The following SLC29A3 variants were observed in gnomAD, a reference collection of about 807,000 sequenced individuals.
SLC29A3 encodes the protein solute carrier family 29 member 3.
A neutral mutation model predicts 25.4 loss-of-function variants in SLC29A3; 18 were observed. That is an observed-to-expected ratio of 0.71 (90% CI 0.49 to 1.05). The LOEUF (loss-of-function observed/expected upper bound fraction) is 1.05, where lower values mean the gene tolerates loss of function less well. Ranked by LOEUF, SLC29A3 falls within the 50% of genes least tolerant of loss-of-function variation. The probability of loss-of-function intolerance (pLI) is 0.00; values close to 1 mark genes in which losing one functional copy is unlikely to be tolerated. For missense variants in SLC29A3, 586 were observed against 609.0 expected, an observed-to-expected ratio of 0.96 and a Z score of 0.40; for synonymous variants, 258 against 267.1, an observed-to-expected ratio of 0.97 and a Z score of 0.33.
Position 71,342,933 on chromosome 10 carries a change from A to G in SLC29A3, c.301-1276A>G, listed in dbSNP as rs74972008. Among the ~76,000 whole-genome samples the G allele has an allele frequency of 8.5e-3, 1,294 of 152,304 alleles. 46 individuals carry two copies. The highest frequency in any genetic ancestry group is 0.073 in the East Asian group (381 of 5,186). On this transcript the variant is annotated intron_variant, in intron 2 of 5. Transcript: ENST00000373189. ...AAGCACTCTGCAGGCTTCAAAGGGA[A>G]CTATGGAAGGCTTGTGCTTCAGACT...
At position 71,351,575 on chromosome 10, in the gene SLC29A3, A is replaced by G. The variant is rs2131838911; in HGVS notation, c.397A>G (p.Ile133Val). The G allele has an allele frequency of 6.2e-7, 1 of 1,614,176 alleles. No homozygotes were observed. The highest frequency in any genetic ancestry group is 8.5e-7 in the Non-Finnish European group (1 of 1,180,008). ...FLLVNRVAVH[I>V]RVLASLTVIL... Reference sequence around the variant, plus strand: ...TCCTCGCCCCAGGGTTGCAGTCCACATCCGTGTCCTGGCCTCACTGACGGT... The same window carrying G: ...TCCTCGCCCCAGGGTTGCAGTCCACGTCCGTGTCCTGGCCTCACTGACGGT... The change falls in exon 4 of 6, where the codon ATC (isoleucine) becomes GTC (valine). Residue 133 changes from isoleucine to valine, a missense_variant. Coordinates refer to ENST00000373189, the MANE Select transcript of SLC29A3 (RefSeq NM_018344.6).
At chr10:71,360,915 A>G (rs573362387) in intron 5 of SLC29A3, among the ~76,000 whole-genome samples, 90 of 152,326 alleles carry the variant, frequency 5.9e-4, no homozygotes, top group Non-Finnish European at 1.1e-3. Context: ...TCTTTATGCA[A>G]TTTTATGTAT....
chr10:71,320,961 C>T (rs1359403232), intron 1 of SLC29A3, among the ~76,000 whole-genome samples: 1 of 152,030 alleles, frequency 6.6e-6, no homozygotes, highest in East Asian at 1.9e-4. Context: ...GGCTGTGTAA[C>T]TTCACTCTTG....
intron 2 of SLC29A3, among the ~76,000 whole-genome samples, chr10:71,327,525 GATCTTAGTAACC>G (rs1846000068): frequency 6.6e-6 from 1 of 152,210 alleles, no homozygotes; most frequent in Non-Finnish European, 1.5e-5. Flanking sequence ...CTGCAATGCA[GATCTTAGTAACC>G]ATTTTCTTAA....
At chr10:71,361,581 G>A (rs749281547) in intron 5 of SLC29A3, among the ~76,000 whole-genome samples, 6 of 152,176 alleles carry the variant, frequency 3.9e-5, no homozygotes, top group Non-Finnish European at 7.4e-5. Context: ...GTTGTATCAA[G>A]CTTGCATTCC....
chr10:71,351,929 GAAC>G, intron 4 of SLC29A3, 141 bp downstream of exon 4: 1 of 805,764 alleles, frequency 1.2e-6, no homozygotes, highest in Non-Finnish European at 2.1e-6. Flanking sequence ...TAGTGTTGTA[GAAC>G]AACAACGGTC....
Position 71,363,123 on chromosome 10 carries a change from G to C in SLC29A3, c.*515G>C, listed in dbSNP as rs977392273. ...AAGACTCAAGTGTGCACAGACCCCTGTGTTCTGTGGGTGAACAACTGCCCA... is the reference window on the plus strand; with the variant it reads ...AAGACTCAAGTGTGCACAGACCCCTCTGTTCTGTGGGTGAACAACTGCCCA... On this transcript the variant is annotated 3_prime_UTR_variant, in exon 6 of 6. Coordinates refer to ENST00000373189, the MANE Select transcript of SLC29A3 (RefSeq NM_018344.6). 3 of 440,280 alleles carry C rather than the reference G, an allele frequency of 6.8e-6. No individual in the cohort carries two copies. The highest frequency in any genetic ancestry group is 6.1e-5 in the African/African-American group (3 of 49,572). The allele number at this position is 440,280 out of a possible 1,614,324, so 27.3% of individuals were successfully genotyped here.
At chr10:71,371,485 A>G (rs1038984426) in intron 3 of SLC29A3, among the ~76,000 whole-genome samples, 2 of 152,184 alleles carry the variant, frequency 1.3e-5, no homozygotes, top group Non-Finnish European at 2.9e-5. Flanking sequence ...GAGAGGGGCT[A>G]TAGCTTACAT....
chr10:71,334,366 G>T (rs1846191240), intron 2 of SLC29A3, among the ~76,000 whole-genome samples: 1 of 152,204 alleles, frequency 6.6e-6, no homozygotes, highest in African/African-American at 2.4e-5. Context: ...ATTTGGCCCG[G>T]GGGTAACCCG....
chr10:71,361,464 G>C (rs1277168803), intron 5 of SLC29A3, among the ~76,000 whole-genome samples: 5 of 152,210 alleles, frequency 3.3e-5, no homozygotes. Context: ...GCCCGGCCTA[G>C]AATGTTAACA....
downstream of SLC29A3, chr10:71,364,244 T>G (rs1002233557): frequency 6.6e-6 from 1 of 152,158 alleles, no homozygotes; most frequent in East Asian, 1.9e-4. Context: ...ACAGGTTTCT[T>G]TTTTGTGAAC....
chr10:71,367,563 G>A (rs973522268), downstream of SLC29A3, among the ~76,000 whole-genome samples: 2 of 152,158 alleles, frequency 1.3e-5, no homozygotes, highest in African/African-American at 2.4e-5. Flanking sequence ...AGGCAACTCA[G>A]GGCACAGTGC....
chr10:71,359,063 C>T (rs1030355434), intron 5 of SLC29A3, among the ~76,000 whole-genome samples: 1 of 152,168 alleles, frequency 6.6e-6, no homozygotes, highest in East Asian at 1.9e-4. Context: ...CATGGGCTGC[C>T]ACGCCCAGCT....
At chr10:71,327,229 G>A (rs74147847) in intron 2 of SLC29A3, among the ~76,000 whole-genome samples, 11,883 of 152,252 alleles carry the variant, frequency 0.078, 647 homozygotes, top group African/African-American at 0.15. Context: ...CCCAAATTAT[G>A]TCACTTTCAA....
In SLC29A3 at chr10:71,351,686, G is replaced by C. The variant is rs767315806; in HGVS notation, c.508G>C (p.Val170Leu). ...WTRGFFAVTI[V>L]CMVILSGAST... ...CCGTGGCTTTTTTGCGGTCACCATT[G>C]TCTGCATGGTGATCCTCAGCGGTGC... Residue 170 changes from valine to leucine, a missense_variant, in exon 4 of 6, where the codon GTC (valine) becomes CTC (leucine). Coordinates refer to ENST00000373189, the MANE Select transcript of SLC29A3 (RefSeq NM_018344.6). The C allele has an allele frequency of 2.5e-6, 4 of 1,614,064 alleles. No homozygotes were observed. Among genetic ancestry groups the C allele is most frequent in the Admixed American group, 1.7e-5 (1 of 60,018 alleles).
chr10:71,356,060 C>G, intron 4 of SLC29A3, 21 bp from the exon 5 acceptor site: 2 of 1,613,150 alleles, frequency 1.2e-6, no homozygotes, highest in Non-Finnish European at 8.5e-7. Context: ...ACCATCTCTG[C>G]GTGTCCTCTG....
intron 2 of SLC29A3, among the ~76,000 whole-genome samples, chr10:71,337,389 C>T (rs544237592): frequency 2.0e-5 from 3 of 152,368 alleles, no homozygotes; most frequent in East Asian, 1.9e-4. Flanking sequence ...CTCAGCTATC[C>T]GAAAGCGGCA....
intron 5 of SLC29A3, 100 bp from the exon 6 acceptor site, chr10:71,361,854 A>T (rs1162243072): frequency 4.9e-6 from 7 of 1,428,906 alleles, no homozygotes; most frequent in South Asian, 1.2e-5. Flanking sequence ...TGGGCTCTCC[A>T]TGCTGGGCTG....
At chr10:71,324,167 G>C (rs896745875) in intron 2 of SLC29A3, among the ~76,000 whole-genome samples, 1 of 152,230 alleles carries the variant, frequency 6.6e-6, no homozygotes, top group African/African-American at 2.4e-5. Context: ...CAGCATGAGG[G>C]CTGGAGGATG....
Sources: allele counts gnomAD v4.1 joint callset (sites outside exome capture counted in the v4.1 genomes callset), GRCh38; gene constraint gnomAD v4.1.1; transcripts MANE v1.5; gene names NCBI Gene and HGNC (gene_info 2026-07-23, HGNC 2026-07-21).